Variants in HIVEP3 observed in about 807,000 individuals in gnomAD.
HIVEP3 encodes the protein HIVEP zinc finger 3, also known as transcription factor HIVEP3.
HIVEP3 carries 49 observed loss-of-function variants against 152.8 expected under a neutral mutation model. The observed-to-expected ratio is 0.32, with a 90% CI of 0.26 to 0.41. The LOEUF (loss-of-function observed/expected upper bound fraction) is 0.41. HIVEP3 is among the 10% of genes least tolerant of loss of function. The pLI is 1.00. For missense variants in HIVEP3, 2,790 were observed against 3,103.3 expected (o/e 0.90, Z 2.40); for synonymous variants, 1,269 against 1,289.0 (o/e 0.98, Z 0.33).
intron 2 of HIVEP3, among the ~76,000 whole-genome samples, chr1:41,670,098 A>AGCACTC (rs1310883823): frequency 9.2e-5 from 14 of 152,206 alleles, no homozygotes; most frequent in Admixed American, 8.5e-4. Context: ...GTGGACTCCT[A>AGCACTC]GCACTCAATA....
chr1:42,005,819 T>C (rs1645456098), intron 1 of HIVEP3, among the ~76,000 whole-genome samples: 1 of 152,244 alleles, frequency 6.6e-6, no homozygotes, highest in South Asian at 2.1e-4. Flanking sequence ...TGCACAACTA[T>C]TAGAGGTAAC....
intron 1 of HIVEP3, among the ~76,000 whole-genome samples, chr1:41,900,982 G>T (rs1046596925): frequency 6.6e-6 from 1 of 152,114 alleles, no homozygotes; most frequent in African/African-American, 2.4e-5. Flanking sequence ...AGGATGTGGG[G>T]GACCGGTGAG....
rs7542858 is a variant in HIVEP3, at chr1:41,506,580, C to T, written c.*3871G>A. On this transcript the variant is annotated 3_prime_UTR_variant, in exon 9 of 9. Transcript: ENST00000372583. ...CGTCAGACTCTGTGCTTTAGACCTG[C>T]GTGGATTTTTGTTTTTTTTTTTTGT... 0.069 allele frequency: 9,996 copies of T among 144,536 alleles called. 368 individuals are homozygous for T. Among genetic ancestry groups the T allele is most frequent in the South Asian group, 0.14 (594 of 4,346 alleles). The allele number at this position is 144,536 out of a possible 1,614,324, so 9.0% of individuals were successfully genotyped here. A position where few individuals can be genotyped will look rare whatever the true frequency, so the allele number is the denominator to read the frequency against.
At chr1:42,035,634 G>A (rs1393508742) in intron 1 of HIVEP3, among the ~76,000 whole-genome samples, 2 of 151,988 alleles carry the variant, frequency 1.3e-5, no homozygotes, top group Non-Finnish European at 1.5e-5. Context: ...AGCTGAGGGG[G>A]CCGGCGCCCG....
intron 1 of HIVEP3, among the ~76,000 whole-genome samples, chr1:41,934,326 T>C (rs1645009839): frequency 6.6e-6 from 1 of 152,178 alleles, no homozygotes; most frequent in South Asian, 2.1e-4. Flanking sequence ...TGAATTCATA[T>C]AGGTATGTTT....
At chr1:41,672,144 G>A (rs890952936) in intron 2 of HIVEP3, among the ~76,000 whole-genome samples, 1 of 152,162 alleles carries the variant, frequency 6.6e-6, no homozygotes, top group Admixed American at 6.5e-5. Flanking sequence ...TCTCACCTGG[G>A]AGAGCCACTT....
chr1:41,753,979 G>A (rs1414971421), intron 1 of HIVEP3, among the ~76,000 whole-genome samples: 1 of 152,130 alleles, frequency 6.6e-6, no homozygotes, highest in Non-Finnish European at 1.5e-5. Flanking sequence ...CTGGAGGTGA[G>A]TGCCGATGGA....
intron 1 of HIVEP3, among the ~76,000 whole-genome samples, chr1:41,719,299 A>G (rs989226597): frequency 1.2e-4 from 18 of 152,254 alleles, no homozygotes; most frequent in African/African-American, 4.1e-4. Context: ...AGGGTGCAGG[A>G]GACAGTGAAG....
chr1:41,590,914 C>T (rs1266615113), intron 3 of HIVEP3, among the ~76,000 whole-genome samples: 1 of 152,182 alleles, frequency 6.6e-6, no homozygotes, highest in African/African-American at 2.4e-5. Flanking sequence ...GCTCCTCCAC[C>T]TCCTAACTGA....
intron 1 of HIVEP3, among the ~76,000 whole-genome samples, chr1:41,895,264 C>G (rs1644509134): frequency 6.6e-6 from 1 of 152,160 alleles, no homozygotes; most frequent in Non-Finnish European, 1.5e-5. Flanking sequence ...CTCCTTTCCC[C>G]ATGAACCCAG....
chr1:41,663,315 C>T (rs571789766), intron 2 of HIVEP3, among the ~76,000 whole-genome samples: 1 of 152,272 alleles, frequency 6.6e-6, no homozygotes, highest in East Asian at 1.9e-4. Context: ...AGCTGGGGGT[C>T]GGGGGTGTAG....
At chr1:41,959,310 T>C (rs1181558094) in intron 1 of HIVEP3, among the ~76,000 whole-genome samples, 2 of 152,220 alleles carry the variant, frequency 1.3e-5, no homozygotes, top group African/African-American at 4.8e-5. Flanking sequence ...AATTGGCAAA[T>C]ATTCCAGGTA....
At chr1:41,839,442 A>C (rs1643221440) in intron 1 of HIVEP3, among the ~76,000 whole-genome samples, 1 of 152,224 alleles carries the variant, frequency 6.6e-6, no homozygotes, top group South Asian at 2.1e-4. Flanking sequence ...AGGACTCTGC[A>C]GCAGCAACTG....
chr1:41,797,768 C>T (rs1650066701), intron 1 of HIVEP3, among the ~76,000 whole-genome samples: 1 of 152,164 alleles, frequency 6.6e-6, no homozygotes, highest in Non-Finnish European at 1.5e-5. Flanking sequence ...GCAGGCGGAT[C>T]ATAAGGTCAG....
At chr1:41,917,714 G>A (rs1644892358) in intron 1 of HIVEP3, among the ~76,000 whole-genome samples, 1 of 152,170 alleles carries the variant, frequency 6.6e-6, no homozygotes, top group Non-Finnish European at 1.5e-5. Flanking sequence ...ACTTGGAGGG[G>A]ACACTCTCTC....
intron 1 of HIVEP3, among the ~76,000 whole-genome samples, chr1:42,024,769 T>C (rs541150041): frequency 6.6e-6 from 1 of 152,354 alleles, no homozygotes; most frequent in South Asian, 2.1e-4. Flanking sequence ...TCAATTAAGA[T>C]TGCCTTCAGT....
At chr1:41,552,566 C>T (rs557386950) in intron 5 of HIVEP3, among the ~76,000 whole-genome samples, 4,205 of 144,676 alleles carry the variant, frequency 0.029, 231 homozygotes, top group African/African-American at 0.1. Context: ...TTTATGGCTG[C>T]ATAGTATTCC....
intron 5 of HIVEP3, among the ~76,000 whole-genome samples, chr1:41,568,209 A>C (rs1039696438): frequency 6.6e-6 from 1 of 152,252 alleles, no homozygotes; most frequent in Non-Finnish European, 1.5e-5. Context: ...TAAAGCAGGA[A>C]AGGAAGAGGA....
chr1:41,657,426 G>A (rs1055611492), intron 2 of HIVEP3, among the ~76,000 whole-genome samples: 7 of 152,186 alleles, frequency 4.6e-5, no homozygotes, highest in East Asian at 1.9e-4. Context: ...GGAAGATGGC[G>A]GAGCTGGTAA....
Sources: gnomAD v4.1 joint callset for allele counts (sites outside exome capture counted in the v4.1 genomes callset) on GRCh38, gnomAD v4.1.1 for gene constraint, MANE v1.5 for transcripts, NCBI Gene and HGNC (gene_info 2026-07-23, HGNC 2026-07-21) for gene names.